The following HGSNAT variants were observed in gnomAD, a reference collection of about 807,000 sequenced individuals.
The protein encoded by HGSNAT is heparan-alpha-glucosaminide N-acetyltransferase, also known as transmembrane protein 76.
HGSNAT carries 59 observed loss-of-function variants against 85.2 expected under a neutral mutation model. The observed-to-expected ratio is 0.69, with a 90% CI of 0.56 to 0.86. HGSNAT has a LOEUF of 0.86. Ranked by LOEUF, HGSNAT falls within the 40% of genes least tolerant of loss-of-function variation. HGSNAT has a pLI of 0.00. For synonymous variants in HGSNAT, 321 were observed against 304.5 expected (o/e 1.05, Z -0.56); for missense variants, 756 against 777.1 (o/e 0.97, Z 0.32).
In HGSNAT at chr8:43,169,216, C is replaced by G; in HGVS notation, c.607C>G (p.Arg203Gly). The change falls in exon 6 of 18, where the codon CGA becomes GGA. Residue 203 changes from arginine (R) to glycine (G), a missense_variant. By Grantham distance (125) the Arg-to-Gly change is moderately radical (BLOSUM62 -2). Transcript: ENST00000379644. Reference protein sequence around the residue: ...NNWISKAISSRETDRLINSEL... With the variant: ...NNWISKAISSGETDRLINSEL... ...TTGGATTTCTAAAGCCATAAGTTCTCGAGAAACTGATCGCCTCATCAATTC... is the reference window on the plus strand; with the variant it reads ...TTGGATTTCTAAAGCCATAAGTTCTGGAGAAACTGATCGCCTCATCAATTC... 2 of 1,585,706 alleles carry G rather than the reference C, an allele frequency of 1.3e-6. No homozygotes were observed. Among genetic ancestry groups the G allele is most frequent in the Non-Finnish European group, 1.7e-6 (2 of 1,164,162 alleles).
intron 11 of HGSNAT, among the ~76,000 whole-genome samples, chr8:43,187,833 G>T (rs1804372815): frequency 6.6e-6 from 1 of 152,160 alleles, no homozygotes; most frequent in South Asian, 2.1e-4. Context: ...TGTAAGGTAG[G>T]CCTGCTGGTG....
At chr8:43,177,339 C>G (rs1372961465) in intron 9 of HGSNAT, among the ~76,000 whole-genome samples, 1 of 151,144 alleles carries the variant, frequency 6.6e-6, no homozygotes, top group African/African-American at 2.4e-5. Context: ...ATCACAAGGT[C>G]GGGAGATTGA....
At position 43,140,586 on chromosome 8, in the gene HGSNAT, G is replaced by C. The variant is rs1187482453; in HGVS notation, c.90G>C (p.Gly30=). The change falls in exon 1 of 18, where the codon GGG becomes GGC. Residue 30 remains glycine (G), a synonymous_variant. Transcript: ENST00000379644. The part of the protein sequence containing the change: ...AALLAPGGSS[G]RDAQAAPPRD... ...TGCTGGCCCCCGGCGGCTCTTCGGG[G>C]CGCGATGCCCAGGCCGCGCCGCCAC... The C allele has an allele frequency of 2.4e-6, 3 of 1,234,608 alleles. No individual in the cohort carries two copies. In the African/African-American group the frequency reaches 4.8e-5, roughly 20 times the overall value. 76.5% of individuals were successfully genotyped at this position (1,234,608 alleles called of 1,614,324 possible). A position where few individuals can be genotyped will look rare whatever the true frequency, so the allele number is the denominator to read the frequency against.
rs1804874785 is a variant in HGSNAT at position 43,200,226 on chromosome 8, G to A, written c.*657G>A. On this transcript the variant is annotated 3_prime_UTR_variant, in exon 18 of 18. Transcript: ENST00000379644. ...AACCCTCTTACCTATGTATCTGCCT[G>A]TCTGTCCATCATCTTCCTTCCTCCC... 1 of 152,192 alleles carries A rather than the reference G, an allele frequency of 6.6e-6. No individual in the cohort carries two copies. The highest frequency in any genetic ancestry group is 6.5e-5 in the Admixed American group (1 of 15,284). The allele number at this position is 152,192 out of a possible 1,614,324, so 9.4% of individuals were successfully genotyped here.
intron 5 of HGSNAT, among the ~76,000 whole-genome samples, chr8:43,164,189 T>A (rs1407028219): frequency 6.6e-6 from 1 of 152,206 alleles, no homozygotes; most frequent in Non-Finnish European, 1.5e-5. Context: ...GAGGCAGGAA[T>A]GAGGGACAGT....
At chr8:43,140,858 C>A (rs562295141) in intron 1 of HGSNAT, among the ~76,000 whole-genome samples, 1 of 152,096 alleles carries the variant, frequency 6.6e-6, no homozygotes, top group African/African-American at 2.4e-5. Flanking sequence ...CGGAGTGGAA[C>A]CTGGGCGCCC....
intron 2 of HGSNAT, among the ~76,000 whole-genome samples, chr8:43,154,395 C>G (rs1041564158): frequency 5.4e-5 from 8 of 147,160 alleles, no homozygotes; most frequent in Non-Finnish European, 1.0e-4. Flanking sequence ...CTTCCTGTGT[C>G]CATGTGTTCT....
intron 11 of HGSNAT, among the ~76,000 whole-genome samples, chr8:43,191,121 A>C (rs998212193): frequency 6.6e-5 from 10 of 152,222 alleles, no homozygotes; most frequent in African/African-American, 2.4e-4. Context: ...TTAGGGATAC[A>C]CCACATTTTG....
chr8:43,189,695 A>C (rs377450067), intron 11 of HGSNAT, among the ~76,000 whole-genome samples: 3 of 152,146 alleles, frequency 2.0e-5, no homozygotes, highest in African/African-American at 7.2e-5. Flanking sequence ...TGCGTCGCTC[A>C]CACTGGGAGC....
intron 1 of HGSNAT, 71 bp from the exon 2 acceptor site, chr8:43,146,877 T>C: frequency 1.2e-6 from 1 of 833,818 alleles, no homozygotes; most frequent in South Asian, 1.6e-5. Flanking sequence ...TTCACACGAA[T>C]GTACTTTGTC....
chr8:43,146,422 G>A (rs890955303), intron 1 of HGSNAT, among the ~76,000 whole-genome samples: 2 of 152,160 alleles, frequency 1.3e-5, no homozygotes, highest in Non-Finnish European at 2.9e-5. Context: ...CAGTAACGTG[G>A]TAGGGGAGAA....
chr8:43,156,544 T>C (rs1803101312), intron 2 of HGSNAT, among the ~76,000 whole-genome samples: 1 of 152,214 alleles, frequency 6.6e-6, no homozygotes, highest in Non-Finnish European at 1.5e-5. Flanking sequence ...ATTTGTACAG[T>C]TTCCAAAGTT....
At chr8:43,154,257 A>G (rs111348439) in intron 2 of HGSNAT, among the ~76,000 whole-genome samples, 4 of 151,866 alleles carry the variant, frequency 2.6e-5, no homozygotes, top group African/African-American at 9.7e-5. Context: ...GGTTTGTTAC[A>G]TATGTATACA....
chr8:43,188,092 A>C (rs936677006), intron 11 of HGSNAT, among the ~76,000 whole-genome samples: 2 of 151,990 alleles, frequency 1.3e-5, no homozygotes, highest in Non-Finnish European at 2.9e-5. Context: ...CCTTCATTTC[A>C]ACTTTGGTGA....
At chr8:43,189,000 G>A (rs753737904) in intron 11 of HGSNAT, among the ~76,000 whole-genome samples, 5 of 152,258 alleles carry the variant, frequency 3.3e-5, no homozygotes, top group South Asian at 2.1e-4. Context: ...TGGAAGCTTC[G>A]TCTCAGAGGG....
At chr8:43,190,054 G>A (rs922931961) in intron 11 of HGSNAT, among the ~76,000 whole-genome samples, 1 of 152,224 alleles carries the variant, frequency 6.6e-6, no homozygotes, top group Non-Finnish European at 1.5e-5. Flanking sequence ...ATGCTGTAAA[G>A]TTCAATTTTG....
At chr8:43,167,165 C>T (rs866538523) in intron 5 of HGSNAT, among the ~76,000 whole-genome samples, 2 of 152,174 alleles carry the variant, frequency 1.3e-5, no homozygotes, top group African/African-American at 4.8e-5. Context: ...ATGTTGTGAA[C>T]ATTGCTGAGA....
At chr8:43,177,506 C>T (rs758223347) in intron 9 of HGSNAT, among the ~76,000 whole-genome samples, 1 of 145,806 alleles carries the variant, frequency 6.9e-6, no homozygotes, top group Non-Finnish European at 1.5e-5. Context: ...TGCAGTGAGC[C>T]GAGATCGTGC....
Position 43,146,975 on chromosome 8 carries a change from T to G in HGSNAT, c.146T>G (p.Leu49Arg). The G allele has an allele frequency of 6.2e-7, 1 of 1,606,380 alleles. No individual in the cohort carries two copies. Among genetic ancestry groups the G allele is most frequent in the Non-Finnish European group, 8.5e-7 (1 of 1,177,364 alleles). ...RDLDKKRHAE[L>R]KMDQALLLIH... ...TTAGACAAAAAAAGACATGCAGAGC[T>G]GAAGATGGATCAGGCTTTGCTACTC... Residue 49 changes from leucine (L) to arginine (R), a missense_variant, in exon 2 of 18, where the codon CTG becomes CGG. Transcript: ENST00000379644.
Sources: allele counts gnomAD v4.1 joint callset (sites outside exome capture counted in the v4.1 genomes callset), GRCh38; gene constraint gnomAD v4.1.1; transcripts MANE v1.5; gene names NCBI Gene and HGNC (gene_info 2026-07-23, HGNC 2026-07-21).